The following REDIC1 variants were observed in gnomAD, a reference collection of about 807,000 sequenced individuals.
REDIC1 encodes HEI10 Interacting Protein 1.
the REDIC1 span, among the ~76,000 whole-genome samples, chr12:39,786,510 T>C: frequency 6.6e-6 from 1 of 152,268 alleles, no homozygotes; most frequent in African/African-American, 2.4e-5. Context: ...GGGCTGGTCA[T>C]GTGTTCTAAC....
the REDIC1 span, among the ~76,000 whole-genome samples, chr12:39,722,953 A>T: frequency 1.3e-5 from 2 of 152,154 alleles, no homozygotes; most frequent in Non-Finnish European, 2.9e-5. Flanking sequence ...CGTTGAGTAA[A>T]GCAATAACAG....
chr12:39,761,879 A>T, the REDIC1 span, among the ~76,000 whole-genome samples: 2 of 152,100 alleles, frequency 1.3e-5, no homozygotes, highest in African/African-American at 4.8e-5. Flanking sequence ...TATCTTCATC[A>T]TTATCTTTCA....
chr12:39,829,030 T>C, the REDIC1 span, among the ~76,000 whole-genome samples: 1 of 152,150 alleles, frequency 6.6e-6, no homozygotes, highest in Non-Finnish European at 1.5e-5. Context: ...TGAGACACAA[T>C]ACTTTATTAC....
chr12:39,808,361 T>C, the REDIC1 span, among the ~76,000 whole-genome samples: 1 of 152,142 alleles, frequency 6.6e-6, no homozygotes, highest in Non-Finnish European at 1.5e-5. Context: ...TGAAGTAACA[T>C]CTACGTAATT....
chr12:39,717,438 T>C, the REDIC1 span, among the ~76,000 whole-genome samples: 1 of 152,008 alleles, frequency 6.6e-6, no homozygotes. Context: ...ATATTTACTA[T>C]TCATTAAGTA....
chr12:39,799,829 G>A, the REDIC1 span, among the ~76,000 whole-genome samples: 12 of 152,340 alleles, frequency 7.9e-5, no homozygotes, highest in Admixed American at 4.6e-4. Flanking sequence ...GCTGGATCAT[G>A]AGTTCACATG....
the REDIC1 span, among the ~76,000 whole-genome samples, chr12:39,628,244 A>C: frequency 1.3e-5 from 2 of 152,170 alleles, no homozygotes; most frequent in Admixed American, 6.5e-5. Flanking sequence ...ATTTTAAATA[A>C]ATTTTATGTG....
the REDIC1 span, among the ~76,000 whole-genome samples, chr12:39,750,659 C>G: frequency 6.6e-6 from 1 of 152,194 alleles, no homozygotes; most frequent in African/African-American, 2.4e-5. Flanking sequence ...TGACTTCAAA[C>G]TATACTACAA....
At chr12:39,826,854 A>ATTTTTTTTTTTT in the REDIC1 span, among the ~76,000 whole-genome samples, 976 of 67,136 alleles carry the variant, frequency 0.015, 39 homozygotes, top group East Asian at 0.055. Flanking sequence ...GTCTCTTTCA[A>ATTTTTTTTTTTT]TTTTTTTTTT....
chr12:39,890,841 T>G, the REDIC1 span, among the ~76,000 whole-genome samples: 1 of 152,080 alleles, frequency 6.6e-6, no homozygotes, highest in Non-Finnish European at 1.5e-5. Context: ...CTATGAAAAA[T>G]GTTTTAAAAT....
chr12:39,826,494 GTC>G, the REDIC1 span, among the ~76,000 whole-genome samples: 1 of 146,220 alleles, frequency 6.8e-6, no homozygotes, highest in Non-Finnish European at 1.5e-5. Context: ...TATACTTTGA[GTC>G]TCTTATTTCT....
chr12:39,793,428 A>G, the REDIC1 span, among the ~76,000 whole-genome samples: 4 of 152,192 alleles, frequency 2.6e-5, no homozygotes, highest in Admixed American at 1.3e-4. Context: ...TGTAAGTCCA[A>G]TAAAAATCTT....
the REDIC1 span, among the ~76,000 whole-genome samples, chr12:39,808,993 C>T: frequency 0.093 from 14,160 of 152,006 alleles, 776 homozygotes; most frequent in Middle Eastern, 0.13. Flanking sequence ...ACCCTGATGT[C>T]GCAAAGATTT....
chr12:39,830,377 C>T, the REDIC1 span: 41 of 1,409,666 alleles, frequency 2.9e-5, no homozygotes, highest in Middle Eastern at 2.6e-4. Flanking sequence ...AAGTGACATG[C>T]GCTGAGCCAG....
chr12:39,722,934 G>C, the REDIC1 span, among the ~76,000 whole-genome samples: 1 of 152,092 alleles, frequency 6.6e-6, no homozygotes, highest in Non-Finnish European at 1.5e-5. Flanking sequence ...ATATGATTTA[G>C]GATGGAGACG....
the REDIC1 span, among the ~76,000 whole-genome samples, chr12:39,735,035 G>A: frequency 2.2e-4 from 34 of 152,278 alleles, no homozygotes; most frequent in African/African-American, 6.7e-4. Flanking sequence ...CCTAGAGTGC[G>A]CTTCTTGAGA....
chr12:39,701,618 C>G, the REDIC1 span, among the ~76,000 whole-genome samples: 1 of 152,094 alleles, frequency 6.6e-6, no homozygotes, highest in Admixed American at 6.5e-5. Flanking sequence ...CTCTCCACCC[C>G]AAATCAACAC....
the REDIC1 span, among the ~76,000 whole-genome samples, chr12:39,712,995 GTGTATATGTATATATACATGTGTA>G: frequency 2.2e-5 from 3 of 138,048 alleles, no homozygotes; most frequent in Admixed American, 7.2e-5. Flanking sequence ...GTGTATATAC[GTGTATATGTATATATACATGTGTA>G]TATACGTGTA....
At chr12:39,856,163 T>C in the REDIC1 span, among the ~76,000 whole-genome samples, 1 of 152,122 alleles carries the variant, frequency 6.6e-6, no homozygotes, top group African/African-American at 2.4e-5. Context: ...ATGAAAATTA[T>C]ACTAAAAAAA....
Sources: allele counts gnomAD v4.1 joint callset (sites outside exome capture counted in the v4.1 genomes callset), GRCh38; gene constraint gnomAD v4.1.1; transcripts MANE v1.5; gene names NCBI Gene and HGNC (gene_info 2026-07-23, HGNC 2026-07-21).